DIP2A: variants seen among roughly 807,000 people sequenced by gnomAD.
DIP2A encodes disco-interacting protein 2 homolog A.
A neutral mutation model predicts 177.4 loss-of-function variants in DIP2A; 85 were observed. That is an observed-to-expected ratio of 0.48 (90% confidence interval 0.40 to 0.57). The LOEUF (loss-of-function observed/expected upper bound fraction) is 0.57, where lower values mean the gene tolerates loss of function less well. Ranked by LOEUF, DIP2A falls within the 20% of genes least tolerant of loss-of-function variation. The pLI is 0.00. For synonymous variants in DIP2A, 886 were observed against 881.8 expected, an observed-to-expected ratio of 1.00 and a Z score of -0.08; for missense variants, 1,791 against 2,100.2, an observed-to-expected ratio of 0.85 and a Z score of 2.88.
intron 6 of DIP2A, among the ~76,000 whole-genome samples, chr21:46,506,347 G>A (rs1050692613): frequency 9.2e-5 from 14 of 152,114 alleles, no homozygotes; most frequent in African/African-American, 2.9e-4. Context: ...CAAACTCCTG[G>A]CCTCAAGTGA....
rs2060932254 is a variant in DIP2A, at chr21:46,569,839, A to G, written c.*2217A>G. ...AAATCTAGAAAGCACATTAAAGTAT[A>G]AAGAAAATTAAAATTTCTTATAATT... On this transcript the variant is annotated 3_prime_UTR_variant, in exon 38 of 38. Coordinates refer to ENST00000417564, the MANE Select transcript of DIP2A (RefSeq NM_015151.4). The G allele has an allele frequency of 6.6e-6, 1 of 152,224 alleles. No individual in the cohort carries two copies. The highest frequency in any genetic ancestry group is 1.5e-5 in the Non-Finnish European group (1 of 68,036). The allele number at this position is 152,224 out of a possible 1,614,324, so 9.4% of individuals were successfully genotyped here.
chr21:46,548,610 A>G (rs942600285), intron 21 of DIP2A, among the ~76,000 whole-genome samples: 2 of 152,268 alleles, frequency 1.3e-5, no homozygotes, highest in East Asian at 3.8e-4. Flanking sequence ...CTAGAGAACA[A>G]GTAGAGAAGG....
intron 35 of DIP2A, among the ~76,000 whole-genome samples, chr21:46,565,155 AAATGCTTACG>A (rs2060795128): frequency 1.3e-5 from 2 of 152,314 alleles, no homozygotes. Context: ...TGGATGCACA[AAATGCTTACG>A]TGTGTAGATA....
chr21:46,488,372 A>G (rs550860929), intron 2 of DIP2A, among the ~76,000 whole-genome samples: 3 of 152,354 alleles, frequency 2.0e-5, no homozygotes, highest in Non-Finnish European at 2.9e-5. Flanking sequence ...GCTAGAACAG[A>G]AAAGATGGAC....
At chr21:46,502,437 A>ATTTTTTTTTTTTTTTTTTTTTTTT (rs36011338) in intron 5 of DIP2A, among the ~76,000 whole-genome samples, 1 of 44,834 alleles carries the variant, frequency 2.2e-5, no homozygotes, top group Non-Finnish European at 3.7e-5. Context: ...GCTAGTGTTG[A>ATTTTTTTTTTTTTTTTTTTTTTTT]TTTTTTTTTT....
rs1219485393 is a variant in DIP2A, at chr21:46,465,253, A to C, written c.91+6031A>C. Among the ~76,000 whole-genome samples, 4 of 152,080 alleles carry C rather than the reference A, an allele frequency of 2.6e-5. No individual in the cohort carries two copies. In the South Asian group the frequency reaches 8.3e-4, roughly 31 times the overall value. ...AATTATTCAGTGTCCACTGCATCCT[A>C]GGTAATATTTCAGCTGTCAAAAGTC... On this transcript the variant is annotated intron_variant, in intron 1 of 37. Coordinates refer to ENST00000417564, the MANE Select transcript of DIP2A (RefSeq NM_015151.4).
chr21:46,503,620 C>T (rs1348917938), intron 5 of DIP2A, among the ~76,000 whole-genome samples: 1 of 75,098 alleles, frequency 1.3e-5, no homozygotes, highest in Non-Finnish European at 3.0e-5. Flanking sequence ...TCCTTTCTTT[C>T]TTTCTTTCTT....
chr21:46,472,055 T>C (rs1233747073), intron 1 of DIP2A, among the ~76,000 whole-genome samples: 1 of 152,152 alleles, frequency 6.6e-6, no homozygotes, highest in Non-Finnish European at 1.5e-5. Flanking sequence ...CTAACCCCAA[T>C]GGATTATATT....
chr21:46,478,156 G>A (rs796974578), intron 1 of DIP2A, among the ~76,000 whole-genome samples: 12 of 151,256 alleles, frequency 7.9e-5, no homozygotes, highest in African/African-American at 2.9e-4. Flanking sequence ...TTGGCCCTTT[G>A]TATTTCCCTA....
At chr21:46,548,637 G>A (rs76024900) in intron 21 of DIP2A, among the ~76,000 whole-genome samples, 7,779 of 152,268 alleles carry the variant, frequency 0.051, 280 homozygotes, top group Non-Finnish European at 0.078. Flanking sequence ...GTCAGATTAG[G>A]GAACTACTCT....
intron 8 of DIP2A, among the ~76,000 whole-genome samples, chr21:46,519,044 C>G (rs1203383929): frequency 6.6e-6 from 1 of 152,186 alleles, no homozygotes; most frequent in Non-Finnish European, 1.5e-5. Flanking sequence ...TGGGCAGTTT[C>G]TGGAACTGAG....
chr21:46,492,691 G>C (rs1472350423), intron 3 of DIP2A, among the ~76,000 whole-genome samples: 7 of 152,158 alleles, frequency 4.6e-5, no homozygotes. Flanking sequence ...GGCCAGGCGT[G>C]GTTGTTCACG....
rs573691265 is a variant in DIP2A, at chr21:46,497,930, A to C, written c.404-652A>C. Among the ~76,000 whole-genome samples the C allele has an allele frequency of 3.3e-5, 5 of 152,346 alleles. No homozygotes were observed. In the East Asian group the frequency reaches 9.6e-4, roughly 29 times the overall value. On this transcript the variant is annotated intron_variant, in intron 4 of 37. Coordinates refer to ENST00000417564, the MANE Select transcript of DIP2A (RefSeq NM_015151.4). ...CTATCCAATTTTAAAATAATGTTTT[A>C]ATAATTGTAAAACCCATAATGAAAC...
At chr21:46,550,940 A>G (rs182771513) in intron 23 of DIP2A, among the ~76,000 whole-genome samples, 196 bp downstream of exon 23, 3 of 152,348 alleles carry the variant, frequency 2.0e-5, no homozygotes, top group Admixed American at 1.3e-4. Context: ...GCATGGGGGA[A>G]CTTAACCACA....
chr21:46,551,804 C>T lies in DIP2A; in HGVS notation c.2950-20C>T. The T allele has an allele frequency of 6.2e-7, 1 of 1,612,864 alleles. No homozygotes were observed. Among genetic ancestry groups the T allele is most frequent in the Non-Finnish European group, 8.5e-7 (1 of 1,179,398 alleles). ...TCTGTGCCCCGGAGGCGCCAGTGAG[C>T]AAGTCGCCCTCTCGTGCAGTTCCTG... On this transcript the variant is annotated intron_variant, in intron 24 of 37. Transcript: ENST00000417564.
intron 8 of DIP2A, among the ~76,000 whole-genome samples, chr21:46,528,639 GCTT>G (rs2059227588): frequency 7.4e-6 from 1 of 135,870 alleles, no homozygotes; most frequent in Non-Finnish European, 1.5e-5. Context: ...CAATTCTCAT[GCTT>G]CAGCCTCCCG....
intron 2 of DIP2A, among the ~76,000 whole-genome samples, chr21:46,485,210 C>T (rs1305986398): frequency 4.0e-5 from 6 of 151,342 alleles, no homozygotes; most frequent in Non-Finnish European, 7.4e-5. Context: ...TTTGTAGATT[C>T]AGTGCATTCA....
chr21:46,497,251 A>G (rs2052097405), intron 4 of DIP2A, 144 bp downstream of exon 4: 2 of 1,044,228 alleles, frequency 1.9e-6, no homozygotes, highest in Non-Finnish European at 2.7e-6. Flanking sequence ...ATGTTTGCAT[A>G]TGCTCGTATT....
At chr21:46,512,247 G>A (rs1424574787) in intron 8 of DIP2A, among the ~76,000 whole-genome samples, 1 of 152,110 alleles carries the variant, frequency 6.6e-6, no homozygotes, top group East Asian at 1.9e-4. Context: ...CCACTTTGGG[G>A]CTATTGTGTA....
Sources: allele counts gnomAD v4.1 joint callset (sites outside exome capture counted in the v4.1 genomes callset), GRCh38; gene constraint gnomAD v4.1.1; transcripts MANE v1.5; gene names NCBI Gene and HGNC (gene_info 2026-07-23, HGNC 2026-07-21).